The following SMURF1 variants were observed in gnomAD, a reference collection of about 807,000 sequenced individuals.
The protein encoded by SMURF1 is SMAD specific E3 ubiquitin protein ligase 1, also known as E3 ubiquitin-protein ligase SMURF1.
Under a neutral mutation model 98.0 loss-of-function variants are expected in SMURF1, and 44 were observed. The ratio of observed to expected loss-of-function variants is 0.45; its 90% CI spans 0.35 to 0.58. The LOEUF (loss-of-function observed/expected upper bound fraction) is 0.58. Ranked by LOEUF, SMURF1 falls within the 20% of genes least tolerant of loss-of-function variation. SMURF1 has a pLI of 0.00. For missense variants in SMURF1, 687 were observed against 938.4 expected (o/e 0.73, Z 3.50); for synonymous variants, 396 against 374.9 (o/e 1.06, Z -0.65).
intron 1 of SMURF1, among the ~76,000 whole-genome samples, chr7:99,074,797 G>A (rs1297017548): frequency 1.3e-5 from 2 of 152,182 alleles, no homozygotes; most frequent in Non-Finnish European, 2.9e-5. Flanking sequence ...GGAAGCCAAG[G>A]TGGGAGGATG....
intron 1 of SMURF1, chr7:99,121,077 A>C (rs183858175): frequency 6.6e-6 from 1 of 152,274 alleles, no homozygotes; most frequent in Admixed American, 6.5e-5. Context: ...CAAGATATTG[A>C]AATTAACACT....
intron 1 of SMURF1, among the ~76,000 whole-genome samples, chr7:99,079,039 G>A (rs113762423): frequency 1.1e-3 from 163 of 152,262 alleles, no homozygotes; most frequent in Non-Finnish European, 1.5e-3. Flanking sequence ...GGAAATCTTC[G>A]CTATTGACAG....
At chr7:99,083,869 C>G (rs565113660) in intron 1 of SMURF1, among the ~76,000 whole-genome samples, 22 of 152,322 alleles carry the variant, frequency 1.4e-4, no homozygotes, top group African/African-American at 5.3e-4. Context: ...TGCCCCCTTT[C>G]GATAACATCC....
chr7:99,049,971 G>A (rs1473482680), intron 8 of SMURF1: 1 of 325,694 alleles, frequency 3.1e-6, no homozygotes, highest in Non-Finnish European at 5.5e-6. Flanking sequence ...CCAGCACTCT[G>A]GGAGGCAAGT....
At chr7:99,124,831 G>A (rs1014042040) in intron 1 of SMURF1, among the ~76,000 whole-genome samples, 5 of 152,132 alleles carry the variant, frequency 3.3e-5, no homozygotes, top group South Asian at 2.1e-4. Flanking sequence ...ATGCCACTGC[G>A]CTTTATCAAG....
intron 1 of SMURF1, among the ~76,000 whole-genome samples, chr7:99,115,738 T>A (rs1022967815): frequency 1.3e-5 from 2 of 152,138 alleles, no homozygotes; most frequent in South Asian, 2.1e-4. Context: ...AAATTAAAAA[T>A]TTTTTAAAGA....
intron 1 of SMURF1, among the ~76,000 whole-genome samples, chr7:99,070,686 T>A (rs2150555352): frequency 6.6e-6 from 1 of 152,056 alleles, no homozygotes; most frequent in African/African-American, 2.4e-5. Flanking sequence ...CCCACTAGAA[T>A]GTAAGCATCA....
rs1275612093 is a variant in SMURF1 at position 99,028,877 on chromosome 7, T to C, written c.*1707A>G. On this transcript the variant is annotated 3_prime_UTR_variant, in exon 18 of 18. Transcript: ENST00000361368. ...AGAGGAAGATGATGCAAGGAAAGGC[T>C]GGATACAGCCACTGGGGAACGGGCT... 6.6e-6 allele frequency: 1 copy of C among 152,250 alleles called. No homozygotes were observed. Among genetic ancestry groups the C allele is most frequent in the Non-Finnish European group, 1.5e-5 (1 of 68,076 alleles). 9.4% of individuals were successfully genotyped at this position (152,250 alleles called of 1,614,324 possible).
At chr7:99,108,547 G>T (rs1025343488) in intron 1 of SMURF1, among the ~76,000 whole-genome samples, 1 of 143,250 alleles carries the variant, frequency 7.0e-6, no homozygotes, top group African/African-American at 2.6e-5. Flanking sequence ...AGGAGGTGAA[G>T]GTTGCAGTGA....
rs1164868084 is a variant in SMURF1 at position 99,030,650 on chromosome 7, G to A, written c.2130C>T (p.Ser710=). The part of the protein sequence containing the change: ...FNRIDIPPYE[S]YEKLYEKLLT... ...GCAGCTTCTCGTAGAGCTTCTCATA[G>A]GACTCATATGGTGGAATGTCGATCC... The change falls in exon 18 of 18, where the codon TCC becomes TCT. Residue 710 remains serine, a synonymous_variant. Coordinates refer to ENST00000361368, the MANE Select transcript of SMURF1 (RefSeq NM_181349.3). The A allele has an allele frequency of 6.2e-7, 1 of 1,614,150 alleles. No individual in the cohort carries two copies. The highest frequency in any genetic ancestry group is 2.2e-5 in the East Asian group (1 of 44,870).
intron 1 of SMURF1, among the ~76,000 whole-genome samples, chr7:99,085,353 C>CAAAAA (rs992976220): frequency 7.4e-4 from 38 of 51,400 alleles, no homozygotes; most frequent in Non-Finnish European, 9.3e-4. Flanking sequence ...AACTCCATCT[C>CAAAAA]AAAAAAAAAA....
At chr7:99,141,663 A>T (rs1359399680) in intron 1 of SMURF1, among the ~76,000 whole-genome samples, 1 of 152,176 alleles carries the variant, frequency 6.6e-6, no homozygotes, top group Non-Finnish European at 1.5e-5. Context: ...TGATATCTTT[A>T]TACAAAAAAA....
At chr7:99,050,707 T>G (rs1795725625) in intron 8 of SMURF1, 2 of 436,742 alleles carry the variant, frequency 4.6e-6, no homozygotes, top group South Asian at 6.2e-5. Flanking sequence ...ATTTCCAGTC[T>G]CATTATAGGT....
chr7:99,052,460 G>T lies in SMURF1; in HGVS notation c.480-14C>A. On this transcript the variant is annotated splice_polypyrimidine_tract_variant and intron_variant, in intron 6 of 17. Coordinates refer to ENST00000361368, the MANE Select transcript of SMURF1 (RefSeq NM_181349.3). ...TCATACACCGTTCTGAAAGGGACGA[G>T]AGCAGGCAGGCATGGTGTCACCATG... 6.6e-7 allele frequency: 1 copy of T among 1,515,772 alleles called. No individual in the cohort carries two copies. The highest frequency in any genetic ancestry group is 1.4e-5 in the South Asian group (1 of 73,024). 93.9% of individuals were successfully genotyped at this position (1,515,772 alleles called of 1,614,324 possible).
intron 1 of SMURF1, among the ~76,000 whole-genome samples, chr7:99,102,598 CTG>C (rs139895710): frequency 0.066 from 9,999 of 152,152 alleles, 1,105 homozygotes; most frequent in African/African-American, 0.23. Context: ...TGGACACTGA[CTG>C]TGAAGAAATG....
At chr7:99,100,569 A>C (rs1450496928) in intron 1 of SMURF1, among the ~76,000 whole-genome samples, 1 of 152,212 alleles carries the variant, frequency 6.6e-6, no homozygotes, top group Non-Finnish European at 1.5e-5. Flanking sequence ...ATAAACAAAA[A>C]TAAAAAAATA....
chr7:99,051,302 T>C (rs545876962), intron 8 of SMURF1, 55 bp downstream of exon 8: 2 of 1,422,492 alleles, frequency 1.4e-6, no homozygotes, highest in African/African-American at 1.4e-5. Flanking sequence ...GGTATTGGCT[T>C]TTCAAGTCAA....
chr7:99,041,775 G>A (rs1795395699), intron 12 of SMURF1, among the ~76,000 whole-genome samples: 2 of 152,230 alleles, frequency 1.3e-5, no homozygotes, highest in Non-Finnish European at 2.9e-5. Flanking sequence ...TTTTGACCGG[G>A]AGGAGGCTGG....
chr7:99,116,860 T>C (rs950992366), intron 1 of SMURF1, among the ~76,000 whole-genome samples: 2 of 152,160 alleles, frequency 1.3e-5, no homozygotes, highest in African/African-American at 4.8e-5. Flanking sequence ...CTAAAATTCA[T>C]ATAAAACTAC....
Sources: gnomAD v4.1 joint callset for allele counts (sites outside exome capture counted in the v4.1 genomes callset) on GRCh38, gnomAD v4.1.1 for gene constraint, MANE v1.5 for transcripts, NCBI Gene and HGNC (gene_info 2026-07-23, HGNC 2026-07-21) for gene names.